The following NXPE2 variants were observed in gnomAD, a reference collection of about 807,000 sequenced individuals.
NXPE2 encodes the protein neurexophilin and PC-esterase domain family member 2.
Under a neutral mutation model 34.4 loss-of-function variants are expected in NXPE2, and 34 were observed. That is an observed-to-expected ratio of 0.99 (90% CI 0.75 to 1.31). The LOEUF (loss-of-function observed/expected upper bound fraction) is 1.31, where lower values mean the gene tolerates loss of function less well. Among genes scored for constraint, NXPE2 ranks in the 40% most tolerant of loss-of-function variants. The pLI is 0.00. For synonymous variants in NXPE2, 235 were observed against 231.3 expected (o/e 1.02, Z -0.15); for missense variants, 649 against 672.5 (o/e 0.97, Z 0.39).
chr11:114,550,964 T>G, the NXPE2 span: 1 of 571,314 alleles, frequency 1.8e-6, no homozygotes, highest in Non-Finnish European at 3.1e-6. Context: ...CTCTAAGGAG[T>G]TAGGTAGAGA....
Position 114,705,806 on chromosome 11 carries a change from C to T in NXPE2, c.954C>T (p.Cys318=), listed in dbSNP as rs1475297908. The change falls in exon 5 of 6, where the codon TGC becomes TGT. Residue 318 remains cysteine, a synonymous_variant. Coordinates refer to ENST00000389586, the MANE Select transcript of NXPE2 (RefSeq NM_182495.6). Reference sequence around the variant, plus strand: ...AGAGCGAGAACATAAAAAAGAACTGCCAGATTGGAATGAAGACTCCTTTCC... The same window carrying T: ...AGAGCGAGAACATAAAAAAGAACTGTCAGATTGGAATGAAGACTCCTTTCC... The part of the protein sequence containing the change: ...CNKSENIKKN[C]QIGMKTPFPS... 2.7e-6 allele frequency: 4 copies of T among 1,495,666 alleles called. No homozygotes were observed. The highest frequency in any genetic ancestry group is 1.3e-5 in the South Asian group (1 of 74,894). The allele number at this position is 1,495,666 out of a possible 1,614,324, so 92.6% of individuals were successfully genotyped here.
the NXPE2 span, among the ~76,000 whole-genome samples, chr11:114,753,371 C>T: frequency 1.3e-4 from 20 of 151,020 alleles, no homozygotes; most frequent in South Asian, 2.1e-4. Flanking sequence ...TCAGCCTCGG[C>T]GACAGAGCAA....
chr11:114,729,384 T>A, the NXPE2 span, among the ~76,000 whole-genome samples: 2 of 152,150 alleles, frequency 1.3e-5, no homozygotes, highest in South Asian at 4.1e-4. Flanking sequence ...AGTGCATGTG[T>A]CTCTTTGGTA....
the NXPE2 span, among the ~76,000 whole-genome samples, chr11:114,573,181 G>T: frequency 2.0e-5 from 3 of 152,064 alleles, no homozygotes; most frequent in African/African-American, 7.2e-5. Context: ...GTACCAGCAA[G>T]CACTACAATA....
the NXPE2 span, among the ~76,000 whole-genome samples, chr11:114,651,724 G>A: frequency 0.01 from 1,554 of 152,184 alleles, 12 homozygotes; most frequent in Non-Finnish European, 0.018. Flanking sequence ...CAAACCTTTA[G>A]TTACACACAG....
intron 2 of NXPE2, among the ~76,000 whole-genome samples, chr11:114,688,929 G>A (rs1335967645): frequency 6.6e-6 from 1 of 152,010 alleles, no homozygotes; most frequent in Non-Finnish European, 1.5e-5. Context: ...CTGTGGGATT[G>A]ATTGTGATGT....
At chr11:114,605,507 C>T in the NXPE2 span, among the ~76,000 whole-genome samples, 5 of 151,644 alleles carry the variant, frequency 3.3e-5, no homozygotes, top group African/African-American at 4.9e-5. Flanking sequence ...AGTGTTGCCC[C>T]GTGGGTAACC....
downstream of NXPE2, among the ~76,000 whole-genome samples, chr11:114,708,998 C>T (rs926853866): frequency 2.6e-5 from 4 of 152,168 alleles, no homozygotes; most frequent in Non-Finnish European, 5.9e-5. Context: ...CATCTCTCAC[C>T]TCAACAAATT....
the NXPE2 span, among the ~76,000 whole-genome samples, chr11:114,578,188 G>A: frequency 3.9e-5 from 6 of 152,296 alleles, no homozygotes; most frequent in Non-Finnish European, 8.8e-5. Context: ...ACTTAACCCA[G>A]TGAGGCTGGA....
the NXPE2 span, chr11:114,582,713 C>T: frequency 1.2e-6 from 2 of 1,614,026 alleles, no homozygotes; most frequent in African/African-American, 1.3e-5. Context: ...TCAGGAAATC[C>T]CCGCCATATT....
the NXPE2 span, among the ~76,000 whole-genome samples, chr11:114,533,511 G>A: frequency 6.6e-6 from 1 of 152,244 alleles, no homozygotes; most frequent in Admixed American, 6.5e-5. Context: ...GGAAGCACAA[G>A]CGGTCAGGGA....
chr11:114,507,870 A>G, the NXPE2 span, among the ~76,000 whole-genome samples: 43 of 152,290 alleles, frequency 2.8e-4, no homozygotes, highest in African/African-American at 9.4e-4. Context: ...CCTATTCAAC[A>G]TAGTATTGGA....
At chr11:114,558,572 A>G in the NXPE2 span, among the ~76,000 whole-genome samples, 1 of 152,164 alleles carries the variant, frequency 6.6e-6, no homozygotes, top group Non-Finnish European at 1.5e-5. Flanking sequence ...TTTCTGATTC[A>G]TTGAGGTAAT....
At chr11:114,633,074 A>G in the NXPE2 span, among the ~76,000 whole-genome samples, 2 of 116,256 alleles carry the variant, frequency 1.7e-5, no homozygotes, top group African/African-American at 3.5e-5. Flanking sequence ...TTTGTTTTTT[A>G]TAATTTATCT....
chr11:114,597,134 A>G, the NXPE2 span, among the ~76,000 whole-genome samples: 2 of 152,220 alleles, frequency 1.3e-5, no homozygotes, highest in African/African-American at 4.8e-5. Context: ...TGATTAATTA[A>G]GAAAAATATT....
At chr11:114,488,898 C>CA in the NXPE2 span, among the ~76,000 whole-genome samples, 27 of 151,860 alleles carry the variant, frequency 1.8e-4, no homozygotes, top group African/African-American at 5.8e-4. Context: ...AAAAACCCTT[C>CA]AAAAAATCAA....
chr11:114,541,379 A>C, the NXPE2 span, among the ~76,000 whole-genome samples: 2 of 152,316 alleles, frequency 1.3e-5, no homozygotes, highest in South Asian at 4.1e-4. Context: ...AGGTAAAAGA[A>C]AATATGTTGT....
chr11:114,740,258 A>G, the NXPE2 span, among the ~76,000 whole-genome samples: 1 of 152,140 alleles, frequency 6.6e-6, no homozygotes, highest in African/African-American at 2.4e-5. Flanking sequence ...ACTAGGGGTA[A>G]CTGAAACCCC....
At chr11:114,585,244 T>C in the NXPE2 span, among the ~76,000 whole-genome samples, 3 of 151,600 alleles carry the variant, frequency 2.0e-5, no homozygotes, top group East Asian at 2.0e-4. Flanking sequence ...ACCTGCAGAA[T>C]TGGGGGAGTT....
Sources: gnomAD v4.1 joint callset for allele counts (sites outside exome capture counted in the v4.1 genomes callset) on GRCh38, gnomAD v4.1.1 for gene constraint, MANE v1.5 for transcripts, NCBI Gene and HGNC (gene_info 2026-07-23, HGNC 2026-07-21) for gene names.